Variants in FBXL5 observed in about 807,000 individuals in gnomAD.
FBXL5 encodes the protein F-box and leucine rich repeat protein 5, also known as F-box/LRR-repeat protein 5.
A neutral mutation model predicts 78.3 loss-of-function variants in FBXL5; 26 were observed. The ratio of observed to expected loss-of-function variants is 0.33; its 90% CI spans 0.24 to 0.46. The LOEUF (loss-of-function observed/expected upper bound fraction) is 0.46, where lower values mean the gene tolerates loss of function less well. Among genes scored for constraint, FBXL5 ranks in the 20% least tolerant of loss-of-function variants. The pLI, the probability that FBXL5 is intolerant of heterozygous loss-of-function variation, is 1.00. For synonymous variants in FBXL5, 295 were observed against 282.5 expected, an observed-to-expected ratio of 1.04 and a Z score of -0.45; for missense variants, 710 against 829.2, an observed-to-expected ratio of 0.86 and a Z score of 1.77.
chr4:15,659,230 T>C (rs1421821115), upstream of FBXL5, among the ~76,000 whole-genome samples: 1 of 152,222 alleles, frequency 6.6e-6, no homozygotes, highest in African/African-American at 2.4e-5. Flanking sequence ...TAGGCATACA[T>C]AGTAGGCATA....
chr4:15,674,054 T>G (rs1331855762), intron 1 of FBXL5, among the ~76,000 whole-genome samples: 3 of 152,226 alleles, frequency 2.0e-5, no homozygotes, highest in African/African-American at 7.2e-5. Flanking sequence ...GAACAAAAAT[T>G]GATACATTCA....
chr4:15,675,417 C>T (rs1717947602), intron 1 of FBXL5, among the ~76,000 whole-genome samples: 1 of 152,006 alleles, frequency 6.6e-6, no homozygotes, highest in South Asian at 2.1e-4. Context: ...TGTTCCTATC[C>T]TGGATTTACC....
chr4:15,631,765 G>GT (rs71179643), intron 5 of FBXL5, among the ~76,000 whole-genome samples: 18,242 of 151,146 alleles, frequency 0.12, 1,220 homozygotes, highest in Non-Finnish European at 0.15. Context: ...TGATGGGGTT[G>GT]TTTTTTTTTC....
At chr4:15,619,338 A>G (rs1044833034) in intron 9 of FBXL5, among the ~76,000 whole-genome samples, 16 of 152,228 alleles carry the variant, frequency 1.1e-4, no homozygotes, top group Non-Finnish European at 2.9e-5. Flanking sequence ...TAGCATATTA[A>G]AAGGACTACA....
At chr4:15,655,786 G>A (rs1451218684), upstream of FBXL5, among the ~76,000 whole-genome samples, 12 of 152,188 alleles carry the variant, frequency 7.9e-5, no homozygotes, top group Admixed American at 7.8e-4. Flanking sequence ...TTCTGGCCAG[G>A]ACCTCCGGAG....
intron 1 of FBXL5, among the ~76,000 whole-genome samples, chr4:15,666,428 T>A (rs1412714189): frequency 6.6e-6 from 1 of 151,994 alleles, no homozygotes; most frequent in Admixed American, 6.6e-5. Context: ...ACATACCACA[T>A]GATCTCACAT....
chr4:15,656,907 A>C (rs1717003988), upstream of FBXL5, among the ~76,000 whole-genome samples: 1 of 150,634 alleles, frequency 6.6e-6, no homozygotes, highest in African/African-American at 2.4e-5. Flanking sequence ...CCCACAAATT[A>C]GTAAGTCAAA....
At chr4:15,657,360 A>G (rs1268100938), upstream of FBXL5, among the ~76,000 whole-genome samples, 1 of 152,262 alleles carries the variant, frequency 6.6e-6, no homozygotes, top group Non-Finnish European at 1.5e-5. Flanking sequence ...GAATGAGGGT[A>G]GTTCATAGCA....
chr4:15,636,396 G>A lies in FBXL5; in HGVS notation c.766+98C>T, dbSNP rs868542337. 130 of 957,550 alleles carry A rather than the reference G, an allele frequency of 1.4e-4. 1 individual carries two copies. The Middle Eastern group carries it at 4.5e-3, about 33-fold the overall frequency. The allele number at this position is 957,550 out of a possible 1,614,324, so 59.3% of individuals were successfully genotyped here. A position where few individuals can be genotyped will look rare whatever the true frequency, so the allele number is the denominator to read the frequency against. On this transcript the variant is annotated intron_variant, in intron 5 of 10. Transcript: ENST00000341285. The stretch of plus-strand genomic sequence containing the variant: ...TAACTATAAAATCTACTTTTTGATT[G>A]ACCTCTCAGAGTTTCTCTCTCTGGC...
chr4:15,664,485 T>G (rs188581996), upstream of FBXL5, among the ~76,000 whole-genome samples: 1 of 151,682 alleles, frequency 6.6e-6, no homozygotes, highest in African/African-American at 2.4e-5. Context: ...CTTATAAAGT[T>G]AAATATACTG....
intron 4 of FBXL5, among the ~76,000 whole-genome samples, 154 bp from the exon 5 acceptor site, chr4:15,636,830 C>T (rs1714334280): frequency 1.3e-5 from 2 of 152,182 alleles, no homozygotes; most frequent in Admixed American, 1.3e-4. Flanking sequence ...TTAGAGGTAA[C>T]ATGGGGATGT....
chr4:15,651,722 A>C (rs184302180), intron 1 of FBXL5, among the ~76,000 whole-genome samples: 14 of 152,330 alleles, frequency 9.2e-5, no homozygotes, highest in Admixed American at 3.3e-4. Context: ...TAAATGTATA[A>C]ATAAATTCTT....
At chr4:15,656,105 A>C (rs1716908101), upstream of FBXL5, 1 of 450,458 alleles carries the variant, frequency 2.2e-6, no homozygotes, top group Non-Finnish European at 4.5e-6. Context: ...CGGGTCAGGG[A>C]TAGGCCCGAC....
chr4:15,606,317 A>G (rs1560205660), intron 10 of FBXL5, among the ~76,000 whole-genome samples: 1 of 152,282 alleles, frequency 6.6e-6, no homozygotes, highest in Admixed American at 6.5e-5. Context: ...GTAGCCAAAA[A>G]TATCTATATA....
chr4:15,677,944 G>A (rs1718057214), intron 1 of FBXL5, among the ~76,000 whole-genome samples: 1 of 146,086 alleles, frequency 6.8e-6, no homozygotes, highest in Non-Finnish European at 1.5e-5. Context: ...TAACCTGTGT[G>A]GCAACTGTGC....
intron 9 of FBXL5, among the ~76,000 whole-genome samples, chr4:15,622,706 T>C (rs2148564485): frequency 6.6e-6 from 1 of 152,346 alleles, no homozygotes; most frequent in Middle Eastern, 3.4e-3. Flanking sequence ...AGAAATGTAG[T>C]AGGTGCTCAA....
chr4:15,681,220 C>G (rs1035107283), intron 1 of FBXL5: 32 of 152,312 alleles, frequency 2.1e-4, no homozygotes, highest in African/African-American at 7.5e-4. Context: ...TAAGTAAACA[C>G]GTGCAATGAT....
At chr4:15,649,654 T>C (rs1351578319) in intron 1 of FBXL5, among the ~76,000 whole-genome samples, 4 of 151,918 alleles carry the variant, frequency 2.6e-5, no homozygotes, top group African/African-American at 9.7e-5. Context: ...GAAATCTGTT[T>C]ATATAAATAG....
At chr4:15,611,657 A>T (rs1476132919) in intron 10 of FBXL5, among the ~76,000 whole-genome samples, 1 of 152,120 alleles carries the variant, frequency 6.6e-6, no homozygotes, top group Non-Finnish European at 1.5e-5. Flanking sequence ...ATCAAGAAGT[A>T]TTTCTTGTGA....
Sources: allele counts gnomAD v4.1 joint callset (sites outside exome capture counted in the v4.1 genomes callset), GRCh38; gene constraint gnomAD v4.1.1; transcripts MANE v1.5; gene names NCBI Gene and HGNC (gene_info 2026-07-23, HGNC 2026-07-21).